The following LAMC2 variants were observed in gnomAD, a reference collection of about 807,000 sequenced individuals.
The protein encoded by LAMC2 is laminin subunit gamma 2.
A neutral mutation model predicts 140.2 loss-of-function variants in LAMC2; 97 were observed. The observed-to-expected ratio is 0.69, with a 90% CI of 0.59 to 0.82. LAMC2 has a LOEUF of 0.82. Among genes scored for constraint, LAMC2 ranks in the 40% least tolerant of loss-of-function variants. The pLI is 0.00. For missense variants in LAMC2, 1,402 were observed against 1,476.1 expected, an observed-to-expected ratio of 0.95 and a Z score of 0.82; for synonymous variants, 513 against 540.2, an observed-to-expected ratio of 0.95 and a Z score of 0.70.
rs1192321729 is a variant in LAMC2, at chr1:183,243,516, C to T, written c.*116C>T. The T allele has an allele frequency of 1.5e-6, 2 of 1,317,210 alleles. No individual in the cohort carries two copies. Among genetic ancestry groups the T allele is most frequent in the Non-Finnish European group, 2.2e-6 (2 of 919,128 alleles). The allele number at this position is 1,317,210 out of a possible 1,614,324, so 81.6% of individuals were successfully genotyped here. ...TTTGAACATGTTTAATGGGTATGCT[C>T]AGGTCAACTGACCTGACCCCATTCC... On this transcript the variant is annotated 3_prime_UTR_variant, in exon 23 of 23. Transcript: ENST00000264144.
chr1:183,248,403 T>G (rs1229544987), downstream of LAMC2: 1 of 152,662 alleles, frequency 6.6e-6, no homozygotes, highest in East Asian at 1.9e-4. Flanking sequence ...AAAGCAAATC[T>G]TACTCTTAAA....
At position 183,232,923 on chromosome 1, in the gene LAMC2, A is replaced by G. The variant is rs550308452; in HGVS notation, c.2220+66A>G. ...GTTGGGAGACCTACTTGTAGATCTC[A>G]CTGACTCAATTTCTGTCTCTCAGTG... On this transcript the variant is annotated intron_variant, in intron 14 of 22. Transcript: ENST00000264144. 1.1e-4 allele frequency: 156 copies of G among 1,435,532 alleles called. No individual in the cohort carries two copies. The African/African-American group carries it at 1.8e-3, about 17-fold the overall frequency. 88.9% of individuals were successfully genotyped at this position (1,435,532 alleles called of 1,614,324 possible).
Position 183,228,044 on chromosome 1 carries a change from G to A in LAMC2, c.1469-330G>A, listed in dbSNP as rs146843825. Among the ~76,000 whole-genome samples the A allele has an allele frequency of 5.9e-3, 899 of 152,332 alleles. 6 individuals carry two copies. The highest frequency in any genetic ancestry group is 0.01 in the Middle Eastern group (3 of 294). On this transcript the variant is annotated intron_variant, in intron 10 of 22. Transcript: ENST00000264144. This position sits in a 1 kb window ranked among gnomAD's most constrained non-coding sequence, Gnocchi z 4.3. ...GACTTCTTAAATGTCACATCCTTCT[G>A]CTGGTCAATCTGAAAGAAGAATGGA... is the stretch of plus-strand genomic sequence containing the variant.
At chr1:183,231,891 T>G (rs1285135182) in intron 12 of LAMC2, among the ~76,000 whole-genome samples, 1 of 152,210 alleles carries the variant, frequency 6.6e-6, no homozygotes, top group Non-Finnish European at 1.5e-5. Flanking sequence ...ATTTTGAGCT[T>G]TATAGATGTT....
chr1:183,247,913 A>G (rs1256205252), downstream of LAMC2, among the ~76,000 whole-genome samples: 3 of 152,248 alleles, frequency 2.0e-5, no homozygotes, highest in African/African-American at 7.2e-5. Flanking sequence ...ATATAATTTT[A>G]TTTCATAAAA....
Position 183,236,675 on chromosome 1 carries a change from A to G in LAMC2, c.2601+71A>G, listed in dbSNP as rs1481583369. 7 of 1,542,486 alleles carry G rather than the reference A, an allele frequency of 4.5e-6. No homozygotes were observed. The East Asian group carries it at 6.7e-5, about 15-fold the overall frequency. ...ATACTTTCTTTTCTGGGGGTGCCAT[A>G]ATATTGTTCAAACATTCAGCTTTTT... is the stretch of plus-strand genomic sequence containing the variant. On this transcript the variant is annotated intron_variant, in intron 17 of 22. Transcript: ENST00000264144.
chr1:183,207,462 G>T (rs1237903038), intron 1 of LAMC2, among the ~76,000 whole-genome samples: 1 of 152,226 alleles, frequency 6.6e-6, no homozygotes, highest in Non-Finnish European at 1.5e-5. Context: ...TAGCTGTGCT[G>T]AGTCCGCAGC....
Position 183,225,731 on chromosome 1 carries a change from A to G in LAMC2, c.1066+11A>G. The G allele has an allele frequency of 6.5e-7, 1 of 1,541,638 alleles. No homozygotes were observed. Among genetic ancestry groups the G allele is most frequent in the Non-Finnish European group, 9.0e-7 (1 of 1,113,532 alleles). On this transcript the variant is annotated intron_variant, in intron 8 of 22. Coordinates refer to ENST00000264144, the MANE Select transcript of LAMC2 (RefSeq NM_005562.3). ...CATATGGAGAATACAGTAAGTGGCT[A>G]CGAGAAATTAATTTCTTTCTTCTTA...
At chr1:183,205,589 C>T (rs1299436356) in intron 1 of LAMC2, among the ~76,000 whole-genome samples, 3 of 152,056 alleles carry the variant, frequency 2.0e-5, no homozygotes, top group Admixed American at 6.5e-5. Flanking sequence ...GGATGGTAGT[C>T]AAGAAGAATC....
chr1:183,199,125 G>T (rs111884056), intron 1 of LAMC2, among the ~76,000 whole-genome samples: 111 of 89,696 alleles, frequency 1.2e-3, no homozygotes, highest in Non-Finnish European at 1.6e-3. Context: ...TTTTTTTTGA[G>T]ACAGAGTCTC....
intron 2 of LAMC2, among the ~76,000 whole-genome samples, chr1:183,208,513 G>T (rs191183274): frequency 6.6e-6 from 1 of 152,184 alleles, no homozygotes; most frequent in Non-Finnish European, 1.5e-5. Flanking sequence ...TCTGTTTCTA[G>T]TGCTGTGCTA....
intron 1 of LAMC2, 132 bp from the exon 2 acceptor site, chr1:183,207,749 C>A: frequency 1.2e-6 from 1 of 803,590 alleles, no homozygotes; most frequent in East Asian, 2.6e-5. Context: ...ATCTTCCTCC[C>A]GCAAGGAGTG....
Position 183,232,682 on chromosome 1 carries a change from C to T in LAMC2, c.2045C>T (p.Ala682Val). The T allele has an allele frequency of 1.2e-6, 2 of 1,613,332 alleles. No individual in the cohort carries two copies. Among genetic ancestry groups the T allele is most frequent in the Non-Finnish European group, 1.7e-6 (2 of 1,179,910 alleles). The stretch of plus-strand genomic sequence containing the variant: ...AGCAGATCCCTTGGTCTCCAGTTGG[C>T]CAAGGTGAGGAGCCAAGAGAACAGC... The part of the protein sequence containing the change: ...GASRSLGLQL[A>V]KVRSQENSYQ... The change falls in exon 14 of 23, where the codon GCC becomes GTC. Residue 682 changes from alanine (A) to valine (V), a missense_variant. Physicochemically the swap from Ala to Val is moderately conservative, Grantham distance 64. This residue lies in a region of LAMC2 where 670 missense variants were observed against 667.2 expected (regional missense o/e 1.00). Coordinates refer to ENST00000264144, the MANE Select transcript of LAMC2 (RefSeq NM_005562.3).
intron 17 of LAMC2, 82 bp from the exon 18 acceptor site, chr1:183,237,270 A>G (rs756965734): frequency 5.3e-6 from 8 of 1,512,616 alleles, no homozygotes; most frequent in East Asian, 2.3e-5. Context: ...GCTATTTTCA[A>G]ACAATGGTGC....
chr1:183,193,639 T>G (rs660602), intron 1 of LAMC2, among the ~76,000 whole-genome samples: 86,451 of 151,740 alleles, frequency 0.57, 25,362 homozygotes, highest in East Asian at 0.73. Context: ...GGAAGGCAGT[T>G]GATCCAACAG....
the LAMC2 span, chr1:183,252,820 C>T: frequency 2.0e-6 from 2 of 1,013,522 alleles, no homozygotes; most frequent in Non-Finnish European, 1.6e-6. Flanking sequence ...CCCCTGTCTC[C>T]CCAGCACCCC....
At position 183,186,558 on chromosome 1, in the gene LAMC2, TCTC is replaced by T. The variant is rs1335143064; in HGVS notation, c.79+132_79+134del. The T allele has an allele frequency of 1.1e-5, 11 of 985,344 alleles. No individual in the cohort carries two copies. In the East Asian group the frequency reaches 2.1e-4, roughly 19 times the overall value. The allele number at this position is 985,344 out of a possible 1,614,324, so 61.0% of individuals were successfully genotyped here. ...GTCCAGAAACTTGTTAGAGCTCCCT[TCTC>T]CTCCCCTATCTGGGGCTCCTCCAGA... On this transcript the variant is annotated intron_variant, in intron 1 of 22. Transcript: ENST00000264144.
At position 183,237,431 on chromosome 1, in the gene LAMC2, G is replaced by A. The variant is rs146907099; in HGVS notation, c.2681G>A (p.Arg894His). 1.2e-3 allele frequency: 1,957 copies of A among 1,614,062 alleles called. 4 individuals carry two copies. Among genetic ancestry groups the A allele is most frequent in the Non-Finnish European group, 1.5e-3 (1,803 of 1,179,940 alleles). The stretch of plus-strand genomic sequence containing the variant: ...ACCAGGCATATGGATGAGTTCAAGC[G>A]TACACAGAAGAATCTGGGAAACTGG... ...LVTRHMDEFK[R>H]TQKNLGNWKE... The change falls in exon 18 of 23, where the codon CGT (arginine) becomes CAT (histidine). Residue 894 changes from arginine (R) to histidine (H), a missense_variant. Transcript: ENST00000264144.
downstream of LAMC2, among the ~76,000 whole-genome samples, chr1:183,246,329 G>C (rs1292785975): frequency 6.6e-6 from 1 of 152,216 alleles, no homozygotes; most frequent in Non-Finnish European, 1.5e-5. Context: ...CCTTAGAAGA[G>C]AGAAGGGGAT....
Sources: gnomAD v4.1 joint callset for allele counts (sites outside exome capture counted in the v4.1 genomes callset) on GRCh38, gnomAD v4.1.1 for gene constraint, gnomAD v4.1.1 regional missense constraint, Gnocchi (gnomAD v3.1) non-coding constraint, MANE v1.5 for transcripts, NCBI Gene and HGNC (gene_info 2026-07-23, HGNC 2026-07-21) for gene names.